Variants in SPACA6 observed in about 807,000 individuals in gnomAD.
The protein encoded by SPACA6 is sperm acrosome membrane-associated protein 6.
For missense variants in SPACA6, 8 were observed against 2.8 expected, an observed-to-expected ratio of 2.88 and a Z score of -1.34; for synonymous variants, 6 against 1.5, an observed-to-expected ratio of 4.05 and a Z score of -2.21.
chr19:51,692,115 C>T (rs1259585206), upstream of SPACA6, among the ~76,000 whole-genome samples: 1 of 152,108 alleles, frequency 6.6e-6, no homozygotes, highest in East Asian at 1.9e-4. This position sits in a 1 kb window ranked among gnomAD's most constrained non-coding sequence, Gnocchi z 5.6. Flanking sequence ...CCTAGGGAGG[C>T]TCTGATGGTT....
chr19:51,702,036 C>T (rs779924666), intron 3 of SPACA6, among the ~76,000 whole-genome samples: 1 of 152,148 alleles, frequency 6.6e-6, no homozygotes, highest in East Asian at 1.9e-4. Context: ...GGCACTCCAG[C>T]CTGGGTGACA....
upstream of SPACA6, among the ~76,000 whole-genome samples, chr19:51,688,964 G>C (rs889321351): frequency 7.9e-5 from 12 of 152,034 alleles, no homozygotes; most frequent in Non-Finnish European, 1.8e-4. Context: ...GAGAGAGCGA[G>C]AGAGCACGCA....
At position 51,697,134 on chromosome 19, in the gene SPACA6, C is replaced by T. The variant is rs894473524; in HGVS notation, c.292+2579C>T. Among the ~76,000 whole-genome samples, 9 of 152,266 alleles carry T rather than the reference C, an allele frequency of 5.9e-5. No homozygotes were observed. The South Asian group carries it at 1.7e-3, about 28-fold the overall frequency. On this transcript the variant is annotated intron_variant, in intron 2 of 8. Coordinates refer to ENST00000637797, the MANE Select transcript of SPACA6 (RefSeq NM_001316972.2). ...CCAGGGAATGCTGATGCTGCTGCTC[C>T]GGGAACACTCTTTGAGAATCACTGT...
chr19:51,708,898 G>A (rs2083529145), downstream of SPACA6, among the ~76,000 whole-genome samples: 1 of 152,040 alleles, frequency 6.6e-6, no homozygotes, highest in South Asian at 2.1e-4. Flanking sequence ...ATTTAAAAAG[G>A]GAAAAGCCCT....
chr19:51,689,982 G>T (rs2083355747), upstream of SPACA6, among the ~76,000 whole-genome samples: 1 of 150,754 alleles, frequency 6.6e-6, no homozygotes, highest in South Asian at 2.1e-4. Flanking sequence ...TGGGGCTGCG[G>T]GGCTTTGAGG....
chr19:51,696,894 G>A (rs912650006), intron 2 of SPACA6, among the ~76,000 whole-genome samples: 3 of 152,208 alleles, frequency 2.0e-5, no homozygotes, highest in African/African-American at 4.8e-5. Flanking sequence ...AATAGCCAGT[G>A]CAAGACCCTG....
At chr19:51,692,792 C>A, upstream of SPACA6, 1 of 534,514 alleles carries the variant, frequency 1.9e-6, no homozygotes, top group Non-Finnish European at 3.8e-6. The surrounding 1 kb of genome is among the most constrained non-coding windows in gnomAD (Gnocchi z 5.6). Context: ...GCCCCCCGGG[C>A]TGAGGTAGGA....
chr19:51,712,699 C>T (rs1248720595), downstream of SPACA6, among the ~76,000 whole-genome samples: 3 of 152,084 alleles, frequency 2.0e-5, no homozygotes, highest in Non-Finnish European at 4.4e-5. Context: ...AGTGGGAAGA[C>T]GTGGAGATGG....
At chr19:51,690,642 AC>A (rs369222506), upstream of SPACA6, among the ~76,000 whole-genome samples, 7 of 152,118 alleles carry the variant, frequency 4.6e-5, no homozygotes, top group African/African-American at 1.7e-4. Context: ...TCCAGAGCCT[AC>A]CCCTTCCCCA....
chr19:51,688,991 C>A, upstream of SPACA6: 1 of 151,852 alleles, frequency 6.6e-6, no homozygotes. Flanking sequence ...GAGGAGGAGG[C>A]GCAGGAGAGA....
chr19:51,703,532 C>T lies in SPACA6; in HGVS notation c.573+195C>T, dbSNP rs887705136. Reference sequence around the variant, plus strand: ...GGACCAAGGACCTGGGGCGATGGCTCACGCCTGTAATCCCAGCGCTTTTGG... The same window carrying T: ...GGACCAAGGACCTGGGGCGATGGCTTACGCCTGTAATCCCAGCGCTTTTGG... On this transcript the variant is annotated intron_variant, in intron 6 of 8. Coordinates refer to ENST00000637797, the MANE Select transcript of SPACA6 (RefSeq NM_001316972.2). This position sits in a 1 kb window ranked among gnomAD's most constrained non-coding sequence, Gnocchi z 4.2. Among the ~76,000 whole-genome samples, 9 of 152,180 alleles carry T rather than the reference C, an allele frequency of 5.9e-5. No individual in the cohort carries two copies. The highest frequency in any genetic ancestry group is 5.9e-4 in the Admixed American group (9 of 15,284).
At chr19:51,692,029 T>TG (rs1414727594), upstream of SPACA6, among the ~76,000 whole-genome samples, 1 of 151,962 alleles carries the variant, frequency 6.6e-6, no homozygotes, top group Non-Finnish European at 1.5e-5. The surrounding 1 kb of genome is among the most constrained non-coding windows in gnomAD (Gnocchi z 5.6). Flanking sequence ...GGGCCTGGTA[T>TG]GGGGTCAGCG....
intron 2 of SPACA6, among the ~76,000 whole-genome samples, chr19:51,697,226 C>T (rs1409071937): frequency 3.3e-5 from 5 of 152,142 alleles, no homozygotes; most frequent in Non-Finnish European, 7.3e-5. Flanking sequence ...GGACTTTACA[C>T]AGAGAGACAG....
At position 51,703,579 on chromosome 19, in the gene SPACA6, T is replaced by C. The variant is rs2083487365; in HGVS notation, c.573+242T>C. On this transcript the variant is annotated intron_variant, in intron 6 of 8. Transcript: ENST00000637797. The surrounding 1 kb of genome is among the most constrained non-coding windows in gnomAD (Gnocchi z 4.2). ...TTGGAGACCAAGGCGGGAGGATGGC[T>C]TGAGCCCAGGAGTTTGAGACCGGCC... Among the ~76,000 whole-genome samples the C allele has an allele frequency of 6.6e-6, 1 of 152,154 alleles. No individual in the cohort carries two copies. Among genetic ancestry groups the C allele is most frequent in the African/African-American group, 2.4e-5 (1 of 41,428 alleles).
the SPACA6 span, among the ~76,000 whole-genome samples, chr19:51,682,859 A>G: frequency 1.3e-5 from 2 of 152,156 alleles, no homozygotes; most frequent in African/African-American, 4.8e-5. Flanking sequence ...CCTAGCCAAC[A>G]TGGTAAGATC....
At position 51,711,452 on chromosome 19, in the gene SPACA6, G is replaced by A. The variant is rs142800880; in HGVS notation, n.200-581G>A. On this transcript the variant is annotated intron_variant and non_coding_transcript_variant, in intron 2 of 2. Coordinates refer to the SPACA6 transcript ENST00000573896. The stretch of plus-strand genomic sequence containing the variant: ...TACATTGCTGGTGGGAATGTAAAAC[G>A]GTACAGTCCCTGTGCAAAACAGGCT... Among the ~76,000 whole-genome samples, 11 of 152,216 alleles carry A rather than the reference G, an allele frequency of 7.2e-5. No individual in the cohort carries two copies. In the East Asian group the frequency reaches 2.1e-3, roughly 29 times the overall value.
intron 4 of SPACA6, 85 bp downstream of exon 4, chr19:51,702,737 G>T: frequency 2.5e-6 from 1 of 399,108 alleles, no homozygotes; most frequent in South Asian, 1.3e-4. Context: ...GTGGGAAAGC[G>T]GGTGGGCTTC....
chr19:51,694,174 G>A (rs547011760), intron 1 of SPACA6: 260 of 309,678 alleles, frequency 8.4e-4, no homozygotes, highest in African/African-American at 5.3e-3. Context: ...GACCCAGAGA[G>A]GGGAGGATGG....
upstream of SPACA6, among the ~76,000 whole-genome samples, chr19:51,691,267 AAGAGGGAGGGAAGGAGAGAG>A (rs1457257707): frequency 6.6e-6 from 1 of 150,532 alleles, no homozygotes; most frequent in East Asian, 2.0e-4. Flanking sequence ...AGAGAGACCT[AAGAGGGAGGGAAGGAGAGAG>A]AGAGGGAGAG....
Sources: gnomAD v4.1 joint callset for allele counts (sites outside exome capture counted in the v4.1 genomes callset) on GRCh38, gnomAD v4.1.1 for gene constraint, Gnocchi (gnomAD v3.1) non-coding constraint, MANE v1.5 for transcripts, NCBI Gene and HGNC (gene_info 2026-07-23, HGNC 2026-07-21) for gene names.